Variants in GATD3 observed in about 807,000 individuals in gnomAD.
GATD3 encodes the protein glutamine amidotransferase-like class 1 domain-containing protein 3, mitochondrial.
chr21:44,142,725 C>G, the GATD3 span, among the ~76,000 whole-genome samples: 1 of 76,076 alleles, frequency 1.3e-5, no homozygotes, highest in African/African-American at 2.9e-5. Flanking sequence ...GGCGAGGCTG[C>G]TCCTGGCCCG....
chr21:44,137,885 C>G, the GATD3 span, among the ~76,000 whole-genome samples: 164 of 36,620 alleles, frequency 4.5e-3, 22 homozygotes, highest in African/African-American at 9.1e-3. Flanking sequence ...TTTTTTTGGC[C>G]ATGTATGTAG....
the GATD3 span, chr21:44,144,780 TC>T: frequency 8.9e-6 from 1 of 112,092 alleles, no homozygotes; most frequent in Non-Finnish European, 2.2e-5. Flanking sequence ...TGAAAGTCCC[TC>T]AGGTCCGTGC....
the GATD3 span, among the ~76,000 whole-genome samples, chr21:44,142,561 G>T: frequency 2.7e-5 from 2 of 75,464 alleles, 1 homozygote; most frequent in South Asian, 7.0e-4. Context: ...CTGTTGACTT[G>T]GCAGGGAGGG....
At chr21:44,142,495 C>T in the GATD3 span, among the ~76,000 whole-genome samples, 1 of 67,748 alleles carries the variant, frequency 1.5e-5, no homozygotes, top group South Asian at 4.2e-4. Context: ...AGGCGCTGGA[C>T]GACACAGGTC....
chr21:44,142,064 C>T, the GATD3 span, among the ~76,000 whole-genome samples: 1 of 30,614 alleles, frequency 3.3e-5, no homozygotes, highest in African/African-American at 8.6e-5. Flanking sequence ...CGGGGTCAAG[C>T]AATTCTCCTG....
At chr21:44,144,723 A>G in the GATD3 span, 1 of 174,280 alleles carries the variant, frequency 5.7e-6, no homozygotes, top group African/African-American at 2.8e-5. Context: ...CTGAGAACAA[A>G]GTTAGGACAC....
At chr21:44,143,466 C>CG in the GATD3 span, 3 of 13,110 alleles carry the variant, frequency 2.3e-4, no homozygotes, top group African/African-American at 4.0e-4. Context: ...GCCTCTTCAC[C>CG]GGGAGCTGCA....
At chr21:44,139,645 A>C in the GATD3 span, among the ~76,000 whole-genome samples, 1 of 73,962 alleles carries the variant, frequency 1.4e-5, no homozygotes, top group African/African-American at 3.0e-5. Context: ...GCCCTCTGAC[A>C]CATACCGGTA....
chr21:44,134,598 AG>A, the GATD3 span, among the ~76,000 whole-genome samples: 4 of 60,318 alleles, frequency 6.6e-5, 1 homozygote, highest in African/African-American at 7.0e-5. Flanking sequence ...GCTAAAAAAA[AG>A]CAAAAACGAC....
chr21:44,144,266 C>T, the GATD3 span, among the ~76,000 whole-genome samples: 1 of 67,756 alleles, frequency 1.5e-5, no homozygotes, highest in African/African-American at 3.4e-5. Flanking sequence ...GATAGGGGCA[C>T]GTGTCTTGGG....
chr21:44,139,575 A>G, the GATD3 span, among the ~76,000 whole-genome samples: 2 of 73,008 alleles, frequency 2.7e-5, no homozygotes, highest in African/African-American at 6.0e-5. Flanking sequence ...ATTCAGTTCC[A>G]ACAGTATGGA....
chr21:44,139,630 A>G, the GATD3 span, among the ~76,000 whole-genome samples: 4 of 73,802 alleles, frequency 5.4e-5, no homozygotes, highest in African/African-American at 1.2e-4. Flanking sequence ...TCCGTCCCCA[A>G]AACTGCCCTC....
At chr21:44,144,260 G>C in the GATD3 span, among the ~76,000 whole-genome samples, 1 of 67,322 alleles carries the variant, frequency 1.5e-5, no homozygotes, top group African/African-American at 3.4e-5. Context: ...CAGGAAGATA[G>C]GGGCACGTGT....
chr21:44,142,837 G>T, the GATD3 span, among the ~76,000 whole-genome samples: 1 of 54,712 alleles, frequency 1.8e-5, no homozygotes, highest in African/African-American at 3.8e-5. Context: ...TGGGGCAGCC[G>T]CACATCATTA....
chr21:44,136,369 C>T, the GATD3 span, among the ~76,000 whole-genome samples: 2 of 41,510 alleles, frequency 4.8e-5, 1 homozygote, highest in Middle Eastern at 0.024. Context: ...CTGAAAATGG[C>T]GACCGGATCG....
At chr21:44,145,707 T>C in the GATD3 span, 1 of 110,362 alleles carries the variant, frequency 9.1e-6, no homozygotes, top group South Asian at 4.7e-5. Context: ...TGTGTTGGCG[T>C]TAGACTTTGT....
the GATD3 span, among the ~76,000 whole-genome samples, chr21:44,142,432 G>A: frequency 2.2e-5 from 1 of 45,318 alleles, no homozygotes; most frequent in African/African-American, 4.4e-5. Flanking sequence ...CAGGGGATGG[G>A]GCTGCTGTTA....
At chr21:44,143,929 T>G in the GATD3 span, among the ~76,000 whole-genome samples, 1 of 58,536 alleles carries the variant, frequency 1.7e-5, no homozygotes, top group African/African-American at 4.2e-5. Context: ...AGTTCTGAGA[T>G]GATGGACCAA....
chr21:44,144,276 G>A, the GATD3 span, among the ~76,000 whole-genome samples: 1 of 69,230 alleles, frequency 1.4e-5, no homozygotes, highest in African/African-American at 3.3e-5. Context: ...CGTGTCTTGG[G>A]TGGTGTGGAG....
Sources: allele counts gnomAD v4.1 joint callset (sites outside exome capture counted in the v4.1 genomes callset), GRCh38; gene constraint gnomAD v4.1.1; transcripts MANE v1.5; gene names NCBI Gene and HGNC (gene_info 2026-07-23, HGNC 2026-07-21).